Variants in FRS2 observed in about 807,000 individuals in gnomAD.
FRS2 encodes the protein fibroblast growth factor receptor substrate 2.
FRS2 carries 8 observed loss-of-function variants against 43.9 expected under a neutral mutation model. The observed-to-expected ratio is 0.18, with a 90% CI of 0.11 to 0.33. The LOEUF (loss-of-function observed/expected upper bound fraction) is 0.33, where lower values mean the gene tolerates loss of function less well. Ranked by LOEUF, FRS2 falls within the 10% of genes least tolerant of loss-of-function variation. FRS2 has a pLI of 1.00. For synonymous variants in FRS2, 219 were observed against 220.3 expected (o/e 0.99, Z 0.05); for missense variants, 534 against 627.6 (o/e 0.85, Z 1.59).
intron 3 of FRS2, among the ~76,000 whole-genome samples, chr12:69,553,478 T>G (rs993857991): frequency 3.9e-5 from 6 of 152,244 alleles, no homozygotes; most frequent in African/African-American, 1.4e-4. Context: ...AGCACTTTCT[T>G]TAAGGGACAA....
At chr12:69,473,316 CATCA>C (rs1447203475) in intron 1 of FRS2, among the ~76,000 whole-genome samples, 1 of 152,238 alleles carries the variant, frequency 6.6e-6, no homozygotes, top group Non-Finnish European at 1.5e-5. Flanking sequence ...GTTTCTACTG[CATCA>C]TGTTGCTCCC....
In FRS2 at chr12:69,577,643, A is replaced by G. The variant is rs1881277707; in HGVS notation, c.*2688A>G. 2.0e-5 allele frequency: 3 copies of G among 152,566 alleles called. No homozygotes were observed. The highest frequency in any genetic ancestry group is 2.0e-4 in the Admixed American group (3 of 15,272). The allele number at this position is 152,566 out of a possible 1,614,324, so 9.5% of individuals were successfully genotyped here. A position where few individuals can be genotyped will look rare whatever the true frequency, so the allele number is the denominator to read the frequency against. Reference sequence around the variant, plus strand: ...TACAAATCATAACAGCATCTATCCCATGCTAGGGTTGGAAACTGATATTGG... The same window carrying G: ...TACAAATCATAACAGCATCTATCCCGTGCTAGGGTTGGAAACTGATATTGG... On this transcript the variant is annotated 3_prime_UTR_variant, in exon 9 of 9. Transcript: ENST00000549921.
rs184139203 is a variant in FRS2, at chr12:69,545,480, C to G, written c.-122+13424C>G. On this transcript the variant is annotated intron_variant, in intron 3 of 8. Transcript: ENST00000549921. ...TAGAGCAGAGAACCCAGAAATAGAC[C>G]GATGTTGTGGCTCACACCTGTAATC... is the stretch of plus-strand genomic sequence containing the variant. Among the ~76,000 whole-genome samples, 3 of 152,006 alleles carry G rather than the reference C, an allele frequency of 2.0e-5. No individual in the cohort carries two copies. In the South Asian group the frequency reaches 6.2e-4, roughly 32 times the overall value.
At position 69,510,349 on chromosome 12, in the gene FRS2, C is replaced by T. The variant is rs184058865; in HGVS notation, c.-260-20516C>T. The stretch of plus-strand genomic sequence containing the variant: ...CACTTGTGAATAATTCTATTTTATT[C>T]TGTCTCCGTTACATCTGTCTCTGTA... On this transcript the variant is annotated intron_variant, in intron 1 of 8. Coordinates refer to ENST00000549921, the MANE Select transcript of FRS2 (RefSeq NM_001278356.2). 2.0e-5 allele frequency among the ~76,000 whole-genome samples: 3 copies of T among 152,252 alleles called. No homozygotes were observed. In the East Asian group the frequency reaches 5.8e-4, roughly 29 times the overall value.
chr12:69,571,789 G>A (rs1172813955), intron 7 of FRS2, among the ~76,000 whole-genome samples: 2 of 152,232 alleles, frequency 1.3e-5, no homozygotes, highest in Admixed American at 6.5e-5. Flanking sequence ...GCATGAACCC[G>A]GGAGGTGGAG....
chr12:69,492,365 C>G (rs553785812), intron 1 of FRS2, among the ~76,000 whole-genome samples: 2 of 152,218 alleles, frequency 1.3e-5, no homozygotes, highest in Admixed American at 1.3e-4. Flanking sequence ...TAGTTCCACC[C>G]AGGGGATCCT....
At chr12:69,547,830 CTTTTTTTTTTTTTT>C (rs71094722) in intron 3 of FRS2, among the ~76,000 whole-genome samples, 6 of 102,722 alleles carry the variant, frequency 5.8e-5, no homozygotes, top group East Asian at 3.4e-4. Context: ...TCCATTAATA[CTTTTTTTTTTTTTT>C]TTTTTTTTTT....
At chr12:69,554,425 C>T (rs1251431433) in intron 3 of FRS2, among the ~76,000 whole-genome samples, 1 of 152,060 alleles carries the variant, frequency 6.6e-6, no homozygotes, top group Non-Finnish European at 1.5e-5. Flanking sequence ...CAAATCCTCT[C>T]AAGTTTGCTA....
intron 3 of FRS2, among the ~76,000 whole-genome samples, chr12:69,555,925 T>C (rs1186195813): frequency 6.6e-6 from 1 of 150,770 alleles, no homozygotes; most frequent in Non-Finnish European, 1.5e-5. Flanking sequence ...AACATTTAAA[T>C]GAGCTATTTG....
At chr12:69,557,597 TGTG>T (rs1565772878) in intron 3 of FRS2, among the ~76,000 whole-genome samples, 12 of 41,290 alleles carry the variant, frequency 2.9e-4, no homozygotes, top group South Asian at 1.1e-3. Context: ...AGGTTGATTG[TGTG>T]TGTGTGTGTG....
At chr12:69,522,274 C>T (rs1451121063) in intron 1 of FRS2, among the ~76,000 whole-genome samples, 1 of 150,250 alleles carries the variant, frequency 6.7e-6, no homozygotes, top group Admixed American at 6.7e-5. Flanking sequence ...ATGCTCACCT[C>T]ATAGAATGAG....
chr12:69,552,891 CAA>C (rs369307414), intron 3 of FRS2, among the ~76,000 whole-genome samples: 9 of 125,496 alleles, frequency 7.2e-5, no homozygotes, highest in African/African-American at 9.1e-5. Flanking sequence ...GACTCCATCT[CAA>C]AAAAAAAAAA....
intron 1 of FRS2, among the ~76,000 whole-genome samples, chr12:69,514,960 A>C (rs934088185): frequency 6.6e-6 from 1 of 152,204 alleles, no homozygotes; most frequent in Non-Finnish European, 1.5e-5. Flanking sequence ...ACTGCACCTG[A>C]TGTTTCAGAT....
chr12:69,487,664 T>C (rs1246197340), intron 1 of FRS2, among the ~76,000 whole-genome samples: 1 of 152,246 alleles, frequency 6.6e-6, no homozygotes, highest in Non-Finnish European at 1.5e-5. Context: ...TTTCAAGTCT[T>C]ATTGTTTAAG....
At chr12:69,569,194 C>T (rs990476878) in intron 5 of FRS2, 98 bp downstream of exon 5, 20 of 658,158 alleles carry the variant, frequency 3.0e-5, no homozygotes, top group Non-Finnish European at 4.8e-5. Flanking sequence ...TATCACCAAA[C>T]CTTTCTATTT....
intron 1 of FRS2, among the ~76,000 whole-genome samples, chr12:69,477,357 T>A (rs1870897411): frequency 6.7e-6 from 1 of 148,344 alleles, no homozygotes; most frequent in Admixed American, 6.8e-5. Flanking sequence ...CTCAGCTCAC[T>A]GCAAGCTCCG....
intron 1 of FRS2, among the ~76,000 whole-genome samples, chr12:69,523,942 T>G (rs1875939481): frequency 6.6e-6 from 1 of 152,248 alleles, no homozygotes; most frequent in Non-Finnish European, 1.5e-5. Context: ...GCAGGCTTGG[T>G]CCTTGTACTC....
At chr12:69,506,345 A>G (rs1873925810) in intron 1 of FRS2, among the ~76,000 whole-genome samples, 1 of 152,082 alleles carries the variant, frequency 6.6e-6, no homozygotes, top group Non-Finnish European at 1.5e-5. Flanking sequence ...TGTAATACTT[A>G]ATTGGTTTGA....
chr12:69,524,629 A>G (rs1490980511), intron 1 of FRS2, among the ~76,000 whole-genome samples: 1 of 152,092 alleles, frequency 6.6e-6, no homozygotes, highest in Non-Finnish European at 1.5e-5. Flanking sequence ...CTGGCTCTGC[A>G]GAGTTCAGAT....
Sources: allele counts gnomAD v4.1 joint callset (sites outside exome capture counted in the v4.1 genomes callset), GRCh38; gene constraint gnomAD v4.1.1; transcripts MANE v1.5; gene names NCBI Gene and HGNC (gene_info 2026-07-23, HGNC 2026-07-21).